GRIN3A: variants seen among roughly 807,000 people sequenced by gnomAD.
The protein encoded by GRIN3A is glutamate ionotropic receptor NMDA type subunit 3A, also known as glutamate receptor ionotropic, NMDA 3A.
A neutral mutation model predicts 92.4 loss-of-function variants in GRIN3A; 47 were observed. That is an observed-to-expected ratio of 0.51 (90% CI 0.40 to 0.65). GRIN3A has a LOEUF of 0.65. GRIN3A is among the 30% of genes least tolerant of loss of function. The pLI, the probability that GRIN3A is intolerant of heterozygous loss-of-function variation, is 0.00. For synonymous variants in GRIN3A, 527 were observed against 540.6 expected, an observed-to-expected ratio of 0.97 and a Z score of 0.35; for missense variants, 1,324 against 1,393.1, an observed-to-expected ratio of 0.95 and a Z score of 0.79.
At chr9:101,645,411 T>C (rs1261117804) in intron 3 of GRIN3A, among the ~76,000 whole-genome samples, 1 of 151,968 alleles carries the variant, frequency 6.6e-6, no homozygotes, top group African/African-American at 2.4e-5. Flanking sequence ...CTTAGGTTAA[T>C]TACATATCTT....
At chr9:101,711,035 C>A (rs895459658) in intron 1 of GRIN3A, among the ~76,000 whole-genome samples, 1 of 152,038 alleles carries the variant, frequency 6.6e-6, no homozygotes, top group African/African-American at 2.4e-5. Flanking sequence ...GTGAATGTGG[C>A]CTCTCTCTCT....
intron 1 of GRIN3A, among the ~76,000 whole-genome samples, chr9:101,690,036 A>AT (rs1293665531): frequency 6.6e-6 from 1 of 152,232 alleles, no homozygotes. Context: ...GCCTGTCTCT[A>AT]TCATGCAGAT....
At position 101,623,376 on chromosome 9, in the gene GRIN3A, T is replaced by C. The variant is rs769266053; in HGVS notation, c.2556A>G (p.Glu852=). Residue 852 remains glutamate (E), a synonymous_variant, in exon 5 of 9, where the codon GAA becomes GAG. Coordinates refer to ENST00000361820, the MANE Select transcript of GRIN3A (RefSeq NM_133445.3). ...GTTTGCAGTCAGCATCTATTGACACTTCATAATCCAGAAGGGCTTTGTCCA... is the reference window on the plus strand; with the variant it reads ...GTTTGCAGTCAGCATCTATTGACACCTCATAATCCAGAAGGGCTTTGTCCA... ...FIMDKALLDY[E]VSIDADCKLL... The C allele has an allele frequency of 3.7e-6, 6 of 1,613,854 alleles. No homozygotes were observed. The East Asian group carries it at 6.7e-5, about 18-fold the overall frequency.
intron 1 of GRIN3A, among the ~76,000 whole-genome samples, chr9:101,735,217 G>C (rs1302718056): frequency 6.6e-6 from 1 of 151,876 alleles, no homozygotes; most frequent in African/African-American, 2.4e-5. Flanking sequence ...GAAAGAAAAT[G>C]TAGTCAGTTG....
chr9:101,630,835 C>A (rs548268445), intron 3 of GRIN3A, among the ~76,000 whole-genome samples: 6 of 152,316 alleles, frequency 3.9e-5, no homozygotes, highest in Non-Finnish European at 2.9e-5. Context: ...ACTTGCAGAC[C>A]AACTTTCATT....
chr9:101,658,411 C>T (rs994999526), intron 3 of GRIN3A, among the ~76,000 whole-genome samples: 1 of 151,856 alleles, frequency 6.6e-6, no homozygotes, highest in African/African-American at 2.4e-5. Context: ...GGTTAATCAT[C>T]ATTTAAAACA....
At chr9:101,578,306 G>C (rs1827851491) in intron 7 of GRIN3A, among the ~76,000 whole-genome samples, 1 of 152,000 alleles carries the variant, frequency 6.6e-6, no homozygotes, top group Admixed American at 6.6e-5. Flanking sequence ...CAGGATAAAA[G>C]TAGGAAGAAC....
intron 3 of GRIN3A, among the ~76,000 whole-genome samples, chr9:101,631,380 G>T (rs1714834785): frequency 6.6e-6 from 1 of 152,064 alleles, no homozygotes; most frequent in Non-Finnish European, 1.5e-5. Context: ...AAGGTAAAAG[G>T]GCTGTAGAAT....
chr9:101,596,058 C>A (rs944759888), intron 6 of GRIN3A, among the ~76,000 whole-genome samples: 2 of 152,298 alleles, frequency 1.3e-5, no homozygotes, highest in African/African-American at 4.8e-5. Flanking sequence ...GCAAACAGTT[C>A]AAAGGGACTT....
At chr9:101,716,656 T>C (rs1829951963) in intron 1 of GRIN3A, among the ~76,000 whole-genome samples, 1 of 152,196 alleles carries the variant, frequency 6.6e-6, no homozygotes, top group Non-Finnish European at 1.5e-5. Flanking sequence ...TTGTTATGAT[T>C]ACAGGCCTAT....
chr9:101,585,338 G>A (rs1463066599), intron 6 of GRIN3A, among the ~76,000 whole-genome samples: 1 of 152,030 alleles, frequency 6.6e-6, no homozygotes, highest in Non-Finnish European at 1.5e-5. Flanking sequence ...CATGCTTTCA[G>A]TTTTTCAGCT....
intron 5 of GRIN3A, among the ~76,000 whole-genome samples, chr9:101,617,781 A>G (rs942321938): frequency 3.4e-5 from 5 of 147,052 alleles, no homozygotes; most frequent in African/African-American, 5.3e-5. Context: ...ATATCTCCCA[A>G]TGTTATCCCT....
Position 101,610,947 on chromosome 9 carries a change from A to C in GRIN3A, c.2766+2429T>G, listed in dbSNP as rs149560175. On this transcript the variant is annotated intron_variant, in intron 6 of 8. Transcript: ENST00000361820. Reference sequence around the variant, plus strand: ...CCCTGTCTCCACTAAAAACACAAAAAATTAGCCACGTGTGGTAGTGGGCAC... The same window carrying C: ...CCCTGTCTCCACTAAAAACACAAAACATTAGCCACGTGTGGTAGTGGGCAC... 6.4e-4 allele frequency among the ~76,000 whole-genome samples: 97 copies of C among 152,046 alleles called. 1 individual carries two copies. In the East Asian group the frequency reaches 0.012, roughly 18 times the overall value.
chr9:101,734,199 T>C (rs1476649542), intron 1 of GRIN3A, among the ~76,000 whole-genome samples: 3 of 152,172 alleles, frequency 2.0e-5, no homozygotes, highest in East Asian at 3.8e-4. Context: ...GAAAAAGTCA[T>C]GTAGGAAGGA....
chr9:101,646,573 A>G (rs1327476468), intron 3 of GRIN3A, among the ~76,000 whole-genome samples: 1 of 151,504 alleles, frequency 6.6e-6, no homozygotes, highest in Non-Finnish European at 1.5e-5. Flanking sequence ...TTGTATTTTC[A>G]TAGGGATTGT....
At chr9:101,603,967 C>G (rs1724436502) in intron 6 of GRIN3A, among the ~76,000 whole-genome samples, 1 of 152,198 alleles carries the variant, frequency 6.6e-6, no homozygotes, top group Non-Finnish European at 1.5e-5. Context: ...CACGGCTTAC[C>G]TTATGTCTTC....
At chr9:101,684,046 C>G (rs1280107849) in intron 2 of GRIN3A, among the ~76,000 whole-genome samples, 1 of 151,744 alleles carries the variant, frequency 6.6e-6, no homozygotes, top group Non-Finnish European at 1.5e-5. Flanking sequence ...TGTCAATCCC[C>G]TGCCCTCCCC....
At chr9:101,641,187 G>T (rs897831628) in intron 3 of GRIN3A, among the ~76,000 whole-genome samples, 2 of 152,192 alleles carry the variant, frequency 1.3e-5, no homozygotes, top group Non-Finnish European at 2.9e-5. Context: ...CATTGTTGGT[G>T]GGACTGTAAA....
At chr9:101,607,755 G>T (rs1828306417) in intron 6 of GRIN3A, among the ~76,000 whole-genome samples, 2 of 152,232 alleles carry the variant, frequency 1.3e-5, no homozygotes, top group South Asian at 4.1e-4. Flanking sequence ...GAGCCCGGCA[G>T]TGTATGACAT....
Sources: gnomAD v4.1 joint callset for allele counts (sites outside exome capture counted in the v4.1 genomes callset) on GRCh38, gnomAD v4.1.1 for gene constraint, MANE v1.5 for transcripts, NCBI Gene and HGNC (gene_info 2026-07-23, HGNC 2026-07-21) for gene names.